RINT1: variants seen among roughly 807,000 people sequenced by gnomAD.
RINT1 encodes RAD50-interacting protein 1.
A neutral mutation model predicts 97.7 loss-of-function variants in RINT1; 75 were observed. The ratio of observed to expected loss-of-function variants is 0.77; its 90% CI spans 0.64 to 0.93. RINT1 has a LOEUF of 0.93. Ranked by LOEUF, RINT1 falls within the 40% of genes least tolerant of loss-of-function variation. RINT1 has a pLI of 0.00. For missense variants in RINT1, 892 were observed against 925.2 expected, an observed-to-expected ratio of 0.96 and a Z score of 0.47; for synonymous variants, 303 against 326.3, an observed-to-expected ratio of 0.93 and a Z score of 0.77.
intron 7 of RINT1, among the ~76,000 whole-genome samples, chr7:105,548,922 A>G (rs749572674): frequency 2.0e-5 from 3 of 152,154 alleles, no homozygotes; most frequent in African/African-American, 7.2e-5. Context: ...GCTCTTGGGC[A>G]TCAGATATTG....
chr7:105,559,619 G>A (rs1020619858), intron 11 of RINT1, among the ~76,000 whole-genome samples: 3 of 151,780 alleles, frequency 2.0e-5, no homozygotes, highest in Admixed American at 1.3e-4. Context: ...TACTCAGGAG[G>A]CTGAGGCAGG....
In RINT1 at chr7:105,548,580, A is replaced by T; in HGVS notation, c.866A>T (p.Gln289Leu). The T allele has an allele frequency of 6.2e-7, 1 of 1,614,166 alleles. No individual in the cohort carries two copies. Among genetic ancestry groups the T allele is most frequent in the Non-Finnish European group, 8.5e-7 (1 of 1,180,024 alleles). Residue 289 changes from glutamine (Q) to leucine (L), a missense_variant, in exon 7 of 15, where the codon CAA (glutamine) becomes CTA (leucine). Physicochemically the swap from Gln to Leu is moderately radical, Grantham distance 113. Coordinates refer to ENST00000257700, the MANE Select transcript of RINT1 (RefSeq NM_021930.6). ...TSDELLTEPK[Q>L]LPEKYSLPAS... Reference sequence around the variant, plus strand: ...GATGAATTACTTACTGAGCCAAAGCAACTCCCAGAAAAATACTCTCTTCCT... The same window carrying T: ...GATGAATTACTTACTGAGCCAAAGCTACTCCCAGAAAAATACTCTCTTCCT...
At chr7:105,543,157 T>G (rs749209787) in intron 4 of RINT1, among the ~76,000 whole-genome samples, 32 of 152,184 alleles carry the variant, frequency 2.1e-4, no homozygotes, top group Middle Eastern at 3.2e-3. Context: ...CTGGAAGTGC[T>G]GGGATTACAG....
Position 105,565,368 on chromosome 7 carries a change from C to T in RINT1, c.1978C>T (p.Leu660Phe), listed in dbSNP as rs35531972. 4.3e-6 allele frequency: 7 copies of T among 1,614,050 alleles called. No individual in the cohort carries two copies. Among genetic ancestry groups the T allele is most frequent in the Non-Finnish European group, 5.9e-6 (7 of 1,180,024 alleles). Residue 660 changes from leucine to phenylalanine, a missense_variant, in exon 13 of 15, where the codon CTT becomes TTT. Coordinates refer to ENST00000257700, the MANE Select transcript of RINT1 (RefSeq NM_021930.6). ...PLLLTLRDHL[L>F]QLEQQLCFSL... ...GCTGCTGACGTTACGAGACCATTTA[C>T]TTCAGTTGGAGCAGCAGCTTTGTTT...
In RINT1 at chr7:105,534,762, G is replaced by A. The variant is rs577113075; in HGVS notation, c.89-1803G>A. Among the ~76,000 whole-genome samples, 14 of 152,030 alleles carry A rather than the reference G, an allele frequency of 9.2e-5. No homozygotes were observed. The East Asian group carries it at 2.7e-3, about 29-fold the overall frequency. ...GGCACAATGTATAGCTTGGGTTCTG[G>A]ATCTTGCACTGAACAGGAAAGGGGG... On this transcript the variant is annotated intron_variant, in intron 2 of 14. Transcript: ENST00000257700.
intron 11 of RINT1, among the ~76,000 whole-genome samples, chr7:105,558,500 T>C (rs965053238): frequency 4.6e-5 from 7 of 152,148 alleles, no homozygotes; most frequent in Non-Finnish European, 8.8e-5. Flanking sequence ...TTGTAGAACA[T>C]CATCAACTGC....
At chr7:105,555,881 T>C (rs1035024091) in intron 11 of RINT1, among the ~76,000 whole-genome samples, 1 of 152,024 alleles carries the variant, frequency 6.6e-6, no homozygotes, top group African/African-American at 2.4e-5. Context: ...TCCGAGCTAC[T>C]TGGGAGGCTG....
chr7:105,548,951 A>ACAAAG (rs1790804860), intron 7 of RINT1, among the ~76,000 whole-genome samples: 1 of 152,118 alleles, frequency 6.6e-6, no homozygotes, highest in Non-Finnish European at 1.5e-5. Flanking sequence ...TCATTGCAAA[A>ACAAAG]CAAAGCAAAG....
Position 105,565,283 on chromosome 7 carries a change from G to C in RINT1, c.1893G>C (p.Leu631Phe). The C allele has an allele frequency of 6.3e-7, 1 of 1,585,758 alleles. No individual in the cohort carries two copies. Among genetic ancestry groups the C allele is most frequent in the South Asian group, 1.1e-5 (1 of 87,686 alleles). The change falls in exon 13 of 15, where the codon TTG becomes TTC. Residue 631 changes from leucine to phenylalanine, a missense_variant. Leu to Phe is a conservative substitution (Grantham distance 22). Coordinates refer to ENST00000257700, the MANE Select transcript of RINT1 (RefSeq NM_021930.6). ...AAKLYKKERW[L>F]SLPSQSEQAV... ...AAAAATGTGTTTTTTCCAGATGGTT[G>C]TCCTTGCCATCTCAGTCAGAGCAGG... is the stretch of plus-strand genomic sequence containing the variant.
rs1562844290 is a variant in RINT1 at position 105,542,774 on chromosome 7, G to C, written c.515+125G>C. Reference sequence around the variant, plus strand: ...TTATAATAATATAATTTTACCAGTTGTTGTGAAAATAGCATTATGATAATG... The same window carrying C: ...TTATAATAATATAATTTTACCAGTTCTTGTGAAAATAGCATTATGATAATG... On this transcript the variant is annotated intron_variant, in intron 4 of 14. Coordinates refer to ENST00000257700, the MANE Select transcript of RINT1 (RefSeq NM_021930.6). 2.0e-5 allele frequency: 20 copies of C among 1,019,160 alleles called. No individual in the cohort carries two copies. In the South Asian group the frequency reaches 5.1e-4, roughly 26 times the overall value. 63.1% of individuals were successfully genotyped at this position (1,019,160 alleles called of 1,614,324 possible). A position where few individuals can be genotyped will look rare whatever the true frequency, so the allele number is the denominator to read the frequency against.
At chr7:105,546,759 C>T (rs1790682406) in intron 4 of RINT1, 151 bp from the exon 5 acceptor site, 1 of 583,532 alleles carries the variant, frequency 1.7e-6, no homozygotes, top group Non-Finnish European at 3.0e-6. Flanking sequence ...GCCTGTAATC[C>T]CAGCTACTGT....
chr7:105,564,052 G>A (rs1018713124), intron 12 of RINT1, 105 bp downstream of exon 12: 3 of 728,534 alleles, frequency 4.1e-6, no homozygotes, highest in Admixed American at 2.7e-5. Flanking sequence ...TTGGCCTTAT[G>A]TACTTTATTG....
chr7:105,551,364 T>C (rs1456055067), intron 9 of RINT1, among the ~76,000 whole-genome samples: 3 of 152,156 alleles, frequency 2.0e-5, no homozygotes, highest in Non-Finnish European at 2.9e-5. Flanking sequence ...GCTTATCTAG[T>C]CAACATAACT....
chr7:105,548,925 A>G (rs903832291), intron 7 of RINT1, among the ~76,000 whole-genome samples: 1 of 152,162 alleles, frequency 6.6e-6, no homozygotes, highest in African/African-American at 2.4e-5. Context: ...CTTGGGCATC[A>G]GATATTGCTG....
Position 105,563,729 on chromosome 7 carries a change from TC to T in RINT1, c.1672-3del, listed in dbSNP as rs1791552242. 3 of 1,609,630 alleles carry T rather than the reference TC, an allele frequency of 1.9e-6. No individual in the cohort carries two copies. The South Asian group carries it at 3.3e-5, about 18-fold the overall frequency. ...CTAATGTGTTAACATGTTTTTGCTT[TC>T]AGTTCTTTCTACAACTTCAACAGGC... On this transcript the variant is annotated splice_polypyrimidine_tract_variant and splice_region_variant and intron_variant, in intron 11 of 14. Transcript: ENST00000257700.
intron 11 of RINT1, among the ~76,000 whole-genome samples, chr7:105,558,775 C>T (rs1169553254): frequency 6.6e-6 from 1 of 151,120 alleles, no homozygotes; most frequent in Non-Finnish European, 1.5e-5. Flanking sequence ...GCCTGGGCAG[C>T]ATAGGGAGAC....
chr7:105,542,415 C>A lies in RINT1; in HGVS notation c.281C>A (p.Thr94Lys), dbSNP rs774464035. Reference protein sequence around the residue: ...SKMQLEEQVLTISSEIPKRIR... With the variant: ...SKMQLEEQVLKISSEIPKRIR... Reference sequence around the variant, plus strand: ...TTTTAAAATTATGGTCAGGTACTTACAATTTCATCAGAAATTCCTAAAAGA... The same window carrying A: ...TTTTAAAATTATGGTCAGGTACTTAAAATTTCATCAGAAATTCCTAAAAGA... Residue 94 changes from threonine to lysine, a missense_variant, in exon 4 of 15, where the codon ACA becomes AAA. Thr to Lys is a moderately conservative substitution (Grantham distance 78). Transcript: ENST00000257700. 3.0e-5 allele frequency: 48 copies of A among 1,596,718 alleles called. No homozygotes were observed. The Middle Eastern group carries it at 6.6e-4, about 22-fold the overall frequency.
chr7:105,563,616 G>A lies in RINT1; in HGVS notation c.1672-117G>A. The A allele has an allele frequency of 7.4e-6, 6 of 815,988 alleles. No individual in the cohort carries two copies. The South Asian group carries it at 8.9e-5, about 12-fold the overall frequency. The allele number at this position is 815,988 out of a possible 1,614,324, so 50.5% of individuals were successfully genotyped here. On this transcript the variant is annotated intron_variant, in intron 11 of 14. Coordinates refer to ENST00000257700, the MANE Select transcript of RINT1 (RefSeq NM_021930.6). ...CAAAGTGCTGGGATTACAGGCATGA[G>A]CCACCGTGCCCGGTCGAATTATACA...
intron 6 of RINT1, among the ~76,000 whole-genome samples, chr7:105,547,959 TCAG>T (rs1476929200): frequency 1.3e-5 from 2 of 151,966 alleles, no homozygotes; most frequent in African/African-American, 2.4e-5. Context: ...ACTCCTGACC[TCAG>T]GTGATCCACC....
Sources: allele counts gnomAD v4.1 joint callset (sites outside exome capture counted in the v4.1 genomes callset), GRCh38; gene constraint gnomAD v4.1.1; transcripts MANE v1.5; gene names NCBI Gene and HGNC (gene_info 2026-07-23, HGNC 2026-07-21).